The following BRWD3 variants were observed in gnomAD, a reference collection of about 807,000 sequenced individuals.
BRWD3 encodes the protein bromodomain and WD repeat-containing protein 3.
BRWD3 carries 10 observed loss-of-function variants against 149.7 expected under a neutral mutation model. That is an observed-to-expected ratio of 0.07 (90% CI 0.04 to 0.11). BRWD3 has a LOEUF of 0.11. BRWD3 is among the 10% of genes least tolerant of loss of function. BRWD3 has a pLI of 1.00. For missense variants in BRWD3, 940 were observed against 1,373.2 expected (o/e 0.68, Z 4.99); for synonymous variants, 504 against 456.7 (o/e 1.10, Z -1.32).
At chrX:80,709,634 G>C in intron 20 of BRWD3, 57 bp from the exon 21 acceptor site, 1 of 1,108,635 alleles carries the variant, frequency 9.0e-7, no homozygotes, top group Non-Finnish European at 1.2e-6. Context: ...AAACACACAA[G>C]GAACATATAT....
At chrX:80,792,785 TTA>T (rs779084762) in intron 5 of BRWD3, among the ~76,000 whole-genome samples, 1 of 111,255 alleles carries the variant, frequency 9.0e-6, no homozygotes, top group Non-Finnish European at 1.9e-5. Flanking sequence ...AAATACCACT[TTA>T]TGTTTGACAT....
At chrX:80,701,779 C>T (rs2072794473) in intron 24 of BRWD3, among the ~76,000 whole-genome samples, 1 of 109,944 alleles carries the variant, frequency 9.1e-6, no homozygotes, top group Non-Finnish European at 1.9e-5. Flanking sequence ...ATTAAGATAT[C>T]CTTTATTATA....
chrX:80,723,327 A>G (rs2073176289), intron 16 of BRWD3, among the ~76,000 whole-genome samples: 1 of 107,185 alleles, frequency 9.3e-6, no homozygotes, highest in South Asian at 4.4e-4. Flanking sequence ...CAATTAAGTT[A>G]GCTCCCAAAG....
At chrX:80,718,964 T>A (rs2073108566) in intron 18 of BRWD3, among the ~76,000 whole-genome samples, 1 of 111,293 alleles carries the variant, frequency 9.0e-6, no homozygotes, top group African/African-American at 3.3e-5. Context: ...TAATTAATTA[T>A]ACAATAACTT....
intron 33 of BRWD3, among the ~76,000 whole-genome samples, chrX:80,688,851 T>TA (rs1422024045): frequency 5.4e-5 from 6 of 110,734 alleles, no homozygotes; most frequent in Admixed American, 3.9e-4. Flanking sequence ...TAAGAAAATA[T>TA]AAAAAAAATT....
intron 4 of BRWD3, among the ~76,000 whole-genome samples, chrX:80,804,862 TAA>T (rs771720430): frequency 4.1e-4 from 46 of 111,742 alleles, no homozygotes; most frequent in Non-Finnish European, 7.3e-4. Context: ...AAGCAGAAAA[TAA>T]AGTGCCCAGA....
At chrX:80,697,022 T>A (rs917642171) in intron 25 of BRWD3, among the ~76,000 whole-genome samples, 159 bp from the exon 26 acceptor site, 1 of 111,794 alleles carries the variant, frequency 8.9e-6, no homozygotes, top group Non-Finnish European at 1.9e-5. Flanking sequence ...TCTTAACTCC[T>A]AATAGCAGGT....
intron 17 of BRWD3, 68 bp from the exon 18 acceptor site, chrX:80,719,724 C>T: frequency 9.9e-7 from 1 of 1,007,196 alleles, no homozygotes; most frequent in Admixed American, 2.2e-5. Context: ...ATAGTAAAAA[C>T]AACCTATAAA....
chrX:80,749,570 G>A (rs1208943336), intron 6 of BRWD3, among the ~76,000 whole-genome samples: 2 of 110,727 alleles, frequency 1.8e-5, no homozygotes, highest in East Asian at 2.8e-4. Flanking sequence ...CAGTCTATGG[G>A]TGTCCTTAGA....
chrX:80,713,218 T>G (rs370593341), intron 20 of BRWD3, among the ~76,000 whole-genome samples: 3 of 110,978 alleles, frequency 2.7e-5, no homozygotes, highest in East Asian at 5.8e-4. Flanking sequence ...GAACGGGCCA[T>G]GATGACAATG....
chrX:80,708,734 T>C (rs1295565716), intron 21 of BRWD3, among the ~76,000 whole-genome samples: 1 of 109,553 alleles, frequency 9.1e-6, no homozygotes, highest in Non-Finnish European at 1.9e-5. Flanking sequence ...GAGAATCTCT[T>C]GAACCCAGGA....
chrX:80,687,460 T>C (rs2072546473), intron 34 of BRWD3, among the ~76,000 whole-genome samples: 1 of 111,323 alleles, frequency 9.0e-6, no homozygotes, highest in Non-Finnish European at 1.9e-5. Context: ...TCTCTTTCAG[T>C]ATTTCAAAAT....
At chrX:80,758,236 G>A (rs1012957788) in intron 6 of BRWD3, among the ~76,000 whole-genome samples, 2 of 111,540 alleles carry the variant, frequency 1.8e-5, no homozygotes, top group South Asian at 3.8e-4. Context: ...AAAGTCAAAC[G>A]AGGTCTCTGT....
chrX:80,688,903 T>A (rs749329702), intron 33 of BRWD3, among the ~76,000 whole-genome samples: 1 of 110,830 alleles, frequency 9.0e-6, no homozygotes, highest in Admixed American at 9.7e-5. Flanking sequence ...TATAATAATA[T>A]CTAATTGGTA....
At chrX:80,762,299 T>G (rs1983657729) in intron 6 of BRWD3, among the ~76,000 whole-genome samples, 2 of 111,852 alleles carry the variant, frequency 1.8e-5, no homozygotes, top group African/African-American at 6.5e-5. Context: ...ATTTTACATA[T>G]AACAAAACTA....
In BRWD3 at chrX:80,721,886, G is replaced by A. The variant is rs985857859; in HGVS notation, c.1876+676C>T. Among the ~76,000 whole-genome samples the A allele has an allele frequency of 2.1e-4, 24 of 111,630 alleles. 1 individual carries two copies. Among genetic ancestry groups the A allele is most frequent in the African/African-American group, 7.2e-4 (22 of 30,711 alleles). ...ATTGAGACAAGAGTCTCACTCTGTCGCCCAGTCTGGAGTGCAGTGGCGCAA... is the reference window on the plus strand; with the variant it reads ...ATTGAGACAAGAGTCTCACTCTGTCACCCAGTCTGGAGTGCAGTGGCGCAA... On this transcript the variant is annotated intron_variant, in intron 17 of 40. Transcript: ENST00000373275.
chrX:80,742,866 T>C (rs745869589), intron 8 of BRWD3, among the ~76,000 whole-genome samples: 2 of 111,572 alleles, frequency 1.8e-5, no homozygotes, highest in South Asian at 7.6e-4. Flanking sequence ...CTTCCTCTTT[T>C]CCTAATTGAA....
intron 22 of BRWD3, among the ~76,000 whole-genome samples, chrX:80,705,540 T>C (rs935524941): frequency 9.0e-6 from 1 of 111,526 alleles, no homozygotes; most frequent in Non-Finnish European, 1.9e-5. Context: ...GGGGATACTT[T>C]CAGAGAAATG....
chrX:80,761,962 A>G (rs1259952950), intron 6 of BRWD3, among the ~76,000 whole-genome samples: 2 of 111,513 alleles, frequency 1.8e-5, no homozygotes, highest in Non-Finnish European at 3.8e-5. Flanking sequence ...TAGAAACAAT[A>G]TTTCTACTCA....
Sources: allele counts gnomAD v4.1 joint callset (sites outside exome capture counted in the v4.1 genomes callset), GRCh38; gene constraint gnomAD v4.1.1; transcripts MANE v1.5; gene names NCBI Gene and HGNC (gene_info 2026-07-23, HGNC 2026-07-21).